SV2C: variants seen among roughly 807,000 people sequenced by gnomAD.
SV2C encodes synaptic vesicle glycoprotein 2C, also known as solute carrier family 22 member B3.
SV2C carries 49 observed loss-of-function variants against 79.7 expected under a neutral mutation model. That is an observed-to-expected ratio of 0.61 (90% CI 0.49 to 0.78). The LOEUF (loss-of-function observed/expected upper bound fraction) is 0.78, where lower values mean the gene tolerates loss of function less well. Ranked by LOEUF, SV2C falls within the 30% of genes least tolerant of loss-of-function variation. The pLI is 0.00. For synonymous variants in SV2C, 334 were observed against 333.2 expected, an observed-to-expected ratio of 1.00 and a Z score of -0.03; for missense variants, 833 against 912.9, an observed-to-expected ratio of 0.91 and a Z score of 1.13.
At chr5:76,037,324 C>T in the SV2C span, among the ~76,000 whole-genome samples, 2 of 152,328 alleles carry the variant, frequency 1.3e-5, no homozygotes, top group African/African-American at 4.8e-5. Context: ...AGGCGCTCTG[C>T]TTTTTAGAGT....
chr5:76,063,531 T>C, the SV2C span, among the ~76,000 whole-genome samples: 1 of 152,104 alleles, frequency 6.6e-6, no homozygotes, highest in South Asian at 2.1e-4. Context: ...CCAGTGCTGA[T>C]GGCCAGGAGA....
chr5:76,250,903 AG>A (rs1439844200), intron 4 of SV2C, among the ~76,000 whole-genome samples: 2 of 152,172 alleles, frequency 1.3e-5, no homozygotes, highest in African/African-American at 4.8e-5. Flanking sequence ...GCCTACAAGA[AG>A]GGCAGCCATC....
chr5:76,060,351 A>G, the SV2C span, among the ~76,000 whole-genome samples: 14,823 of 152,140 alleles, frequency 0.097, 1,629 homozygotes, highest in African/African-American at 0.27. Context: ...TACGTTGTTT[A>G]GTGTAGCTAC....
chr5:76,029,043 A>G, the SV2C span, among the ~76,000 whole-genome samples: 5 of 152,340 alleles, frequency 3.3e-5, no homozygotes, highest in African/African-American at 4.8e-5. Context: ...AGCAACATAA[A>G]TGAATGAATA....
At chr5:76,248,418 A>AT (rs1391589996) in intron 4 of SV2C, among the ~76,000 whole-genome samples, 1 of 152,110 alleles carries the variant, frequency 6.6e-6, no homozygotes, top group Non-Finnish European at 1.5e-5. Flanking sequence ...TGCTCTTCTT[A>AT]TAAGGACACC....
At chr5:76,346,298 T>TA (rs1166624483) in intron 12 of SV2C, among the ~76,000 whole-genome samples, 1 of 152,236 alleles carries the variant, frequency 6.6e-6, no homozygotes, top group East Asian at 1.9e-4. Flanking sequence ...GTAATTTGTT[T>TA]AATTTTAAGT....
intron 4 of SV2C, among the ~76,000 whole-genome samples, chr5:76,252,641 T>C (rs1031885548): frequency 1.3e-5 from 2 of 152,230 alleles, no homozygotes; most frequent in African/African-American, 4.8e-5. Context: ...AATAGGCAAG[T>C]AATAAATCCT....
intron 8 of SV2C, among the ~76,000 whole-genome samples, chr5:76,293,225 A>C (rs1179419873): frequency 1.3e-5 from 2 of 152,282 alleles, no homozygotes; most frequent in Middle Eastern, 3.4e-3. Context: ...GAAGGAAGGG[A>C]AGGCTAAATA....
intron 4 of SV2C, among the ~76,000 whole-genome samples, chr5:76,275,937 T>G (rs1236347832): frequency 6.6e-6 from 1 of 152,224 alleles, no homozygotes; most frequent in Non-Finnish European, 1.5e-5. Context: ...ACAAGACATA[T>G]TTTGAAGACA....
the SV2C span, among the ~76,000 whole-genome samples, chr5:75,981,871 A>G: frequency 6.6e-6 from 1 of 152,176 alleles, no homozygotes; most frequent in Non-Finnish European, 1.5e-5. Context: ...GATTAATGGG[A>G]TCTAATTAAA....
chr5:76,231,510 A>C (rs1028535855), intron 4 of SV2C, among the ~76,000 whole-genome samples: 1 of 151,440 alleles, frequency 6.6e-6, no homozygotes, highest in Non-Finnish European at 1.5e-5. Context: ...ATACGTATAC[A>C]TGTGCCATGC....
At chr5:76,253,724 A>C (rs888540121) in intron 4 of SV2C, among the ~76,000 whole-genome samples, 5 of 151,704 alleles carry the variant, frequency 3.3e-5, no homozygotes, top group African/African-American at 9.7e-5. Context: ...AAAAAAAAAA[A>C]AATCTCACCT....
intron 2 of SV2C, among the ~76,000 whole-genome samples, chr5:76,189,609 G>A (rs201542726): frequency 6.6e-6 from 1 of 152,146 alleles, no homozygotes; most frequent in South Asian, 2.1e-4. Flanking sequence ...GCATACATTC[G>A]TTTGATCATC....
At chr5:76,300,688 G>T in intron 10 of SV2C, 41 bp from the exon 11 acceptor site, 2 of 1,592,716 alleles carry the variant, frequency 1.3e-6, no homozygotes, top group South Asian at 2.2e-5. Context: ...GTGCATGCCT[G>T]GTAAGAGCTT....
the SV2C span, among the ~76,000 whole-genome samples, chr5:76,066,838 C>T: frequency 1.3e-5 from 2 of 149,096 alleles, no homozygotes; most frequent in South Asian, 4.3e-4. Flanking sequence ...AAATTGCTCT[C>T]AGACTTCATT....
intron 2 of SV2C, among the ~76,000 whole-genome samples, chr5:76,170,564 C>A (rs547701320): frequency 1.5e-5 from 2 of 130,954 alleles, no homozygotes; most frequent in South Asian, 2.6e-4. Flanking sequence ...TTGTTGTAGA[C>A]CCCCACTGTA....
intron 2 of SV2C, among the ~76,000 whole-genome samples, chr5:76,164,717 A>G (rs954057686): frequency 5.6e-5 from 4 of 72,020 alleles, no homozygotes; most frequent in African/African-American, 1.3e-4. Flanking sequence ...TGGGGATGGA[A>G]CTCAGTGTGT....
At chr5:75,872,756 G>A in the SV2C span, among the ~76,000 whole-genome samples, 316 of 151,868 alleles carry the variant, frequency 2.1e-3, 1 homozygote, top group African/African-American at 7.3e-3. Flanking sequence ...ATTTAAATAC[G>A]AAAAATATGG....
chr5:76,129,670 A>G (rs1345133431), intron 1 of SV2C, among the ~76,000 whole-genome samples: 1 of 152,172 alleles, frequency 6.6e-6, no homozygotes, highest in East Asian at 1.9e-4. Flanking sequence ...TGTGGTAAGG[A>G]TACCTGTGGC....
Sources: allele counts gnomAD v4.1 joint callset (sites outside exome capture counted in the v4.1 genomes callset), GRCh38; gene constraint gnomAD v4.1.1; transcripts MANE v1.5; gene names NCBI Gene and HGNC (gene_info 2026-07-23, HGNC 2026-07-21).